ARB2A: variants seen among roughly 807,000 people sequenced by gnomAD.
The protein encoded by ARB2A is ARB2 cotranscriptional regulator A, also known as cotranscriptional regulator ARB2A.
chr5:93,810,578 A>C, the ARB2A span, among the ~76,000 whole-genome samples: 236 of 151,946 alleles, frequency 1.6e-3, 1 homozygote, highest in Non-Finnish European at 2.4e-3. Context: ...ATTTAAAAAA[A>C]TTTTTTGTAG....
At chr5:93,889,540 C>T in the ARB2A span, among the ~76,000 whole-genome samples, 131 of 151,850 alleles carry the variant, frequency 8.6e-4, no homozygotes, top group African/African-American at 3.0e-3. Context: ...CAAAAATATG[C>T]AAAACATGAT....
the ARB2A span, among the ~76,000 whole-genome samples, chr5:94,058,021 A>G: frequency 1.3e-5 from 2 of 152,134 alleles, no homozygotes; most frequent in African/African-American, 4.8e-5. Flanking sequence ...ATCCATACAC[A>G]TAGGAGAAAA....
At chr5:93,979,902 C>A in the ARB2A span, among the ~76,000 whole-genome samples, 2 of 152,104 alleles carry the variant, frequency 1.3e-5, no homozygotes, top group African/African-American at 4.8e-5. Flanking sequence ...ATACTTACAT[C>A]TAAAATTAAT....
At chr5:93,870,684 T>A in the ARB2A span, among the ~76,000 whole-genome samples, 2 of 152,292 alleles carry the variant, frequency 1.3e-5, no homozygotes, top group East Asian at 3.9e-4. Context: ...ACGAAGGCAG[T>A]GATACCAAAC....
chr5:93,859,683 A>G, the ARB2A span, among the ~76,000 whole-genome samples: 59,992 of 152,090 alleles, frequency 0.39, 12,563 homozygotes, highest in East Asian at 0.56. Context: ...ATGAGGAATC[A>G]TAGATGGCCA....
chr5:94,040,902 CA>C, the ARB2A span, among the ~76,000 whole-genome samples: 1 of 152,128 alleles, frequency 6.6e-6, no homozygotes, highest in African/African-American at 2.4e-5. Context: ...TATGTTTCGT[CA>C]CACGTATTTT....
chr5:93,721,928 TA>T, the ARB2A span, among the ~76,000 whole-genome samples: 5 of 152,316 alleles, frequency 3.3e-5, no homozygotes, highest in Admixed American at 3.3e-4. Context: ...TTAATTTGTG[TA>T]ACACTTTTAT....
At chr5:94,097,849 A>T in the ARB2A span, among the ~76,000 whole-genome samples, 29 of 68,128 alleles carry the variant, frequency 4.3e-4, no homozygotes, top group African/African-American at 1.4e-3. Context: ...CCCCCCCACC[A>T]CCCCACCCCA....
the ARB2A span, among the ~76,000 whole-genome samples, chr5:93,820,837 A>G: frequency 1.3e-5 from 2 of 152,186 alleles, no homozygotes; most frequent in African/African-American, 2.4e-5. Flanking sequence ...TACTAGGAAC[A>G]CAGAGAGTTC....
At chr5:93,758,014 T>C in the ARB2A span, among the ~76,000 whole-genome samples, 4 of 152,034 alleles carry the variant, frequency 2.6e-5, no homozygotes, top group African/African-American at 9.7e-5. Context: ...ACCTAACACA[T>C]AAGCACTCAT....
the ARB2A span, chr5:93,881,594 T>C: frequency 4.3e-6 from 7 of 1,611,120 alleles, no homozygotes; most frequent in Middle Eastern, 1.7e-4. Context: ...TGCTGGTTCA[T>C]CTGAACTATC....
At chr5:93,623,247 C>A in the ARB2A span, among the ~76,000 whole-genome samples, 30 of 133,970 alleles carry the variant, frequency 2.2e-4, no homozygotes, top group African/African-American at 7.0e-4. Context: ...CCCCCAAATA[C>A]AATAAGCCAA....
the ARB2A span, among the ~76,000 whole-genome samples, chr5:94,041,250 T>C: frequency 6.6e-6 from 1 of 151,786 alleles, no homozygotes; most frequent in Non-Finnish European, 1.5e-5. Flanking sequence ...TTCTGTATTG[T>C]CTGTCATAAT....
chr5:93,994,391 T>C, the ARB2A span, among the ~76,000 whole-genome samples: 2 of 152,188 alleles, frequency 1.3e-5, no homozygotes, highest in Non-Finnish European at 2.9e-5. Flanking sequence ...GAGGATATTA[T>C]GCTAAGTGTA....
chr5:93,719,304 T>G, the ARB2A span, among the ~76,000 whole-genome samples: 1 of 152,220 alleles, frequency 6.6e-6, no homozygotes, highest in African/African-American at 2.4e-5. Flanking sequence ...TAATTCTGTC[T>G]GAATTAAAGC....
the ARB2A span, among the ~76,000 whole-genome samples, chr5:94,061,828 A>G: frequency 6.6e-6 from 1 of 152,238 alleles, no homozygotes. Context: ...TGAATGGATT[A>G]GAAGACTCAA....
chr5:93,763,136 A>T, the ARB2A span, among the ~76,000 whole-genome samples: 2 of 152,206 alleles, frequency 1.3e-5, no homozygotes, highest in Non-Finnish European at 2.9e-5. Flanking sequence ...AAACTGCATC[A>T]ACTAACGAGC....
chr5:93,843,048 C>T, the ARB2A span, among the ~76,000 whole-genome samples: 3 of 152,156 alleles, frequency 2.0e-5, no homozygotes, highest in African/African-American at 7.2e-5. Context: ...GACTGGAAGA[C>T]TTCTTTGGAA....
chr5:93,948,917 C>G, the ARB2A span, among the ~76,000 whole-genome samples: 1 of 152,298 alleles, frequency 6.6e-6, no homozygotes, highest in Non-Finnish European at 1.5e-5. Context: ...CTTCCCTCTA[C>G]TCATCCTTTT....
Sources: gnomAD v4.1 joint callset for allele counts (sites outside exome capture counted in the v4.1 genomes callset) on GRCh38, gnomAD v4.1.1 for gene constraint, MANE v1.5 for transcripts, NCBI Gene and HGNC (gene_info 2026-07-23, HGNC 2026-07-21) for gene names.